GNE: variants seen among roughly 807,000 people sequenced by gnomAD.
GNE encodes bifunctional UDP-N-acetylglucosamine 2-epimerase/N-acetylmannosamine kinase.
Under a neutral mutation model 61.8 loss-of-function variants are expected in GNE, and 41 were observed. The observed-to-expected ratio is 0.66, with a 90% CI of 0.52 to 0.86. The LOEUF is 0.86. Among genes scored for constraint, GNE ranks in the 40% least tolerant of loss-of-function variants. The pLI is 0.00. For synonymous variants in GNE, 264 were observed against 326.4 expected (o/e 0.81, Z 2.06); for missense variants, 608 against 909.1 (o/e 0.67, Z 4.26).
chr9:36,231,081 A>AAAAAAG (rs1554660476), intron 5 of GNE, among the ~76,000 whole-genome samples: 30 of 140,936 alleles, frequency 2.1e-4, no homozygotes, highest in African/African-American at 8.1e-4. Flanking sequence ...AAAAAAAAAA[A>AAAAAAG]AAAGAAAGAA....
At position 36,228,987 on chromosome 9, in the gene GNE, T is replaced by C. The variant is rs762933317; in HGVS notation, c.1070+34A>G. 5 of 1,200,298 alleles carry C rather than the reference T, an allele frequency of 4.2e-6. No individual in the cohort carries two copies. In the Admixed American group the frequency reaches 8.4e-5, roughly 20 times the overall value. The allele number at this position is 1,200,298 out of a possible 1,614,324, so 74.4% of individuals were successfully genotyped here. ...AATGGTACTGAAGGTAGCTCCCCTT[T>C]TAAATCACTCAACAAAGAATGTTTT... is the stretch of plus-strand genomic sequence containing the variant. On this transcript the variant is annotated intron_variant, in intron 6 of 11. Transcript: ENST00000642385.
intron 1 of GNE, among the ~76,000 whole-genome samples, chr9:36,253,080 TG>T (rs1830175289): frequency 1.3e-5 from 2 of 152,018 alleles, no homozygotes; most frequent in Admixed American, 1.3e-4. Flanking sequence ...GAGAATCACT[TG>T]AACACATGAG....
At position 36,219,991 on chromosome 9, in the gene GNE, C is replaced by T; in HGVS notation, c.1663G>A (p.Glu555Lys). The change falls in exon 10 of 12, where the codon GAA becomes AAA. Residue 555 changes from glutamate (E) to lysine (K), a missense_variant. Physicochemically the swap from Glu to Lys is moderately conservative, Grantham distance 56 (BLOSUM62 1). Coordinates refer to ENST00000642385, the MANE Select transcript of GNE (RefSeq NM_005476.7). Reference sequence around the variant, plus strand: ...CAGAAGGAGCTTCCGTGGATCAATTCATGCTGATGGATAATTCCACCACCG... The same window carrying T: ...CAGAAGGAGCTTCCGTGGATCAATTTATGCTGATGGATAATTCCACCACCG... ...GIGGGIIHQH[E>K]LIHGSSFCAA... 6.2e-7 allele frequency: 1 copy of T among 1,614,094 alleles called. No homozygotes were observed. Among genetic ancestry groups the T allele is most frequent in the Non-Finnish European group, 8.5e-7 (1 of 1,179,992 alleles).
chr9:36,272,917 C>CAAAAA (rs59845826), intron 1 of GNE, among the ~76,000 whole-genome samples: 4 of 38,334 alleles, frequency 1.0e-4, no homozygotes, highest in East Asian at 6.6e-4. Context: ...AGTAAAAATA[C>CAAAAA]AAAAAAAAAA....
upstream of GNE, among the ~76,000 whole-genome samples, chr9:36,258,692 G>A (rs1193650248): frequency 1.3e-5 from 2 of 152,212 alleles, no homozygotes; most frequent in Admixed American, 1.3e-4. Flanking sequence ...TTGTGCTCCC[G>A]CCCCGAAGCG....
intron 3 of GNE, among the ~76,000 whole-genome samples, chr9:36,239,710 T>C: frequency 6.6e-6 from 1 of 152,050 alleles, no homozygotes; most frequent in East Asian, 1.9e-4. Flanking sequence ...TGAACTCAAA[T>C]GATCTGCCCG....
intron 2 of GNE, 152 bp from the exon 3 acceptor site, chr9:36,246,634 T>A: frequency 1.8e-6 from 1 of 545,150 alleles, no homozygotes; most frequent in Non-Finnish European, 3.2e-6. Flanking sequence ...GCATAGACCA[T>A]AAGTGTAAAC....
intron 1 of GNE, among the ~76,000 whole-genome samples, chr9:36,257,454 C>A (rs1830402863): frequency 1.3e-5 from 2 of 152,146 alleles, no homozygotes; most frequent in Non-Finnish European, 2.9e-5. Context: ...CCCCACCCCT[C>A]CTACCAGAGT....
At chr9:36,275,204 C>T (rs561689063) in intron 1 of GNE, among the ~76,000 whole-genome samples, 4 of 152,250 alleles carry the variant, frequency 2.6e-5, no homozygotes, top group South Asian at 2.1e-4. Flanking sequence ...CTTTCTCTTC[C>T]GTCCTAATTC....
chr9:36,254,119 C>T (rs562692497), intron 1 of GNE, among the ~76,000 whole-genome samples: 3 of 152,134 alleles, frequency 2.0e-5, no homozygotes, highest in South Asian at 2.1e-4. Flanking sequence ...GCACAAGAAT[C>T]GCTTGAACCC....
intron 1 of GNE, among the ~76,000 whole-genome samples, chr9:36,272,018 A>T (rs996486913): frequency 1.3e-5 from 2 of 152,090 alleles, no homozygotes; most frequent in Non-Finnish European, 2.9e-5. Context: ...CTTCTACTCA[A>T]CTGCCTGCAC....
chr9:36,250,818 T>C (rs576432700), intron 1 of GNE, among the ~76,000 whole-genome samples: 19 of 152,276 alleles, frequency 1.2e-4, no homozygotes, highest in Admixed American at 1.2e-3. Flanking sequence ...GTAGCTGGGA[T>C]TATAGGTGCC....
At chr9:36,228,810 A>G (rs2769156) in intron 6 of GNE, among the ~76,000 whole-genome samples, 6 of 151,824 alleles carry the variant, frequency 4.0e-5, no homozygotes, top group South Asian at 2.1e-4. Context: ...AAAAAAAAAA[A>G]AAAGAAATAA....
chr9:36,261,552 CAAAAAAAAA>C (rs566779282), upstream of GNE, among the ~76,000 whole-genome samples: 1 of 88,338 alleles, frequency 1.1e-5, no homozygotes, highest in Non-Finnish European at 2.5e-5. Flanking sequence ...GACTCCGTCT[CAAAAAAAAA>C]AAAAAAAAGA....
At chr9:36,276,660 A>G (rs1182596734) in intron 1 of GNE, among the ~76,000 whole-genome samples, 1 of 152,222 alleles carries the variant, frequency 6.6e-6, no homozygotes, top group African/African-American at 2.4e-5. Flanking sequence ...TTCAATTTCA[A>G]CTTTCAGTTT....
chr9:36,246,219 T>C lies in GNE; in HGVS notation c.428A>G (p.Asp143Gly). The C allele has an allele frequency of 1.9e-6, 3 of 1,614,216 alleles. No homozygotes were observed. Among genetic ancestry groups the C allele is most frequent in the Non-Finnish European group, 2.5e-6 (3 of 1,180,024 alleles). The stretch of plus-strand genomic sequence containing the variant: ...TGTTATGGCATGTCTGATAGAGTCA[T>C]CAATGGTCCCACTGACTTCCCCACC... ...IEGGEVSGTIDDSIRHAITKL... is the reference protein window; with the variant it reads ...IEGGEVSGTIGDSIRHAITKL... Residue 143 changes from aspartate to glycine, a missense_variant, in exon 3 of 12, where the codon GAT becomes GGT. By Grantham distance (94) the Asp-to-Gly change is moderately conservative (BLOSUM62 -1). Coordinates refer to ENST00000642385, the MANE Select transcript of GNE (RefSeq NM_005476.7).
At chr9:36,225,067 G>C (rs1828800424) in intron 7 of GNE, among the ~76,000 whole-genome samples, 1 of 151,944 alleles carries the variant, frequency 6.6e-6, no homozygotes, top group African/African-American at 2.4e-5. Context: ...ATATTTACTA[G>C]ATTATGTTGA....
Position 36,256,966 on chromosome 9 carries a change from G to A in GNE, c.-43+1355C>T, listed in dbSNP as rs149626963. Among the ~76,000 whole-genome samples the A allele has an allele frequency of 5.4e-3, 820 of 152,238 alleles. 9 individuals carry two copies. The highest frequency in any genetic ancestry group is 0.018 in the African/African-American group (753 of 41,546). Reference sequence around the variant, plus strand: ...TGACGCCTGTAACCCCAGCACTTTGGGAAGCCGAGATGGGCGGATCACTTG... The same window carrying A: ...TGACGCCTGTAACCCCAGCACTTTGAGAAGCCGAGATGGGCGGATCACTTG... On this transcript the variant is annotated intron_variant, in intron 1 of 11. Coordinates refer to ENST00000642385, the MANE Select transcript of GNE (RefSeq NM_005476.7).
chr9:36,225,560 G>A (rs1011899961), intron 7 of GNE, among the ~76,000 whole-genome samples: 1 of 152,052 alleles, frequency 6.6e-6, no homozygotes, highest in East Asian at 1.9e-4. Context: ...ACTTGAGCCC[G>A]GGAGGCAGAG....
Sources: allele counts gnomAD v4.1 joint callset (sites outside exome capture counted in the v4.1 genomes callset), GRCh38; gene constraint gnomAD v4.1.1; transcripts MANE v1.5; gene names NCBI Gene and HGNC (gene_info 2026-07-23, HGNC 2026-07-21).